DUSP10: variants seen among roughly 807,000 people sequenced by gnomAD.
The protein encoded by DUSP10 is dual specificity phosphatase 10.
DUSP10 carries 14 observed loss-of-function variants against 30.8 expected under a neutral mutation model. The observed-to-expected ratio is 0.46, with a 90% CI of 0.30 to 0.71. The LOEUF (loss-of-function observed/expected upper bound fraction) is 0.71, where lower values mean the gene tolerates loss of function less well. Among genes scored for constraint, DUSP10 ranks in the 30% least tolerant of loss-of-function variants. The pLI is 0.08. For synonymous variants in DUSP10, 254 were observed against 250.4 expected, an observed-to-expected ratio of 1.01 and a Z score of -0.14; for missense variants, 550 against 619.4, an observed-to-expected ratio of 0.89 and a Z score of 1.19.
chr1:221,725,886 C>A (rs183430331), intron 2 of DUSP10, among the ~76,000 whole-genome samples: 129 of 152,316 alleles, frequency 8.5e-4, no homozygotes, highest in Non-Finnish European at 4.7e-4. Flanking sequence ...GGGAGTGACT[C>A]ATATTTATGA....
intron 2 of DUSP10, among the ~76,000 whole-genome samples, chr1:221,736,222 G>A (rs1248133603): frequency 6.6e-6 from 1 of 152,094 alleles, no homozygotes; most frequent in African/African-American, 2.4e-5. Context: ...TGGAGACAGG[G>A]GGACAAGGAT....
intron 2 of DUSP10, among the ~76,000 whole-genome samples, chr1:221,727,748 T>A (rs1374707931): frequency 1.3e-5 from 2 of 152,208 alleles, no homozygotes; most frequent in Non-Finnish European, 2.9e-5. Context: ...TTGATTACTT[T>A]TATATTTCAG....
intron 2 of DUSP10, among the ~76,000 whole-genome samples, chr1:221,727,047 T>C (rs2102641623): frequency 6.6e-6 from 1 of 152,294 alleles, no homozygotes; most frequent in South Asian, 2.1e-4. Context: ...CTCCCCATTT[T>C]ATAGACAAGC....
intron 2 of DUSP10, among the ~76,000 whole-genome samples, chr1:221,712,599 T>C (rs1660971361): frequency 6.6e-6 from 1 of 152,082 alleles, no homozygotes; most frequent in South Asian, 2.1e-4. Flanking sequence ...TTGAATCCCA[T>C]TGAGTACCCA....
chr1:221,704,719 A>C (rs1660705263), intron 3 of DUSP10, among the ~76,000 whole-genome samples: 1 of 152,178 alleles, frequency 6.6e-6, no homozygotes, highest in African/African-American at 2.4e-5. Context: ...CCCTTCTTGG[A>C]CACTAGAATT....
intron 2 of DUSP10, among the ~76,000 whole-genome samples, chr1:221,725,207 A>G (rs1180287259): frequency 6.6e-6 from 1 of 152,202 alleles, no homozygotes; most frequent in Non-Finnish European, 1.5e-5. Context: ...AAAAAGCTCC[A>G]CATTGGGAAG....
chr1:221,730,767 A>T (rs1171249707), intron 2 of DUSP10, among the ~76,000 whole-genome samples: 2 of 152,152 alleles, frequency 1.3e-5, no homozygotes, highest in Non-Finnish European at 2.9e-5. Flanking sequence ...GTTACATAAA[A>T]TATGGGTCTT....
chr1:221,729,557 A>T (rs990764587), intron 2 of DUSP10, among the ~76,000 whole-genome samples: 22 of 152,250 alleles, frequency 1.4e-4, no homozygotes, highest in Admixed American at 2.6e-4. Context: ...AAGTCAGGAT[A>T]TAAAATGACG....
intron 3 of DUSP10, among the ~76,000 whole-genome samples, chr1:221,703,374 C>T (rs751747474): frequency 1.3e-5 from 2 of 151,990 alleles, no homozygotes; most frequent in South Asian, 2.1e-4. Context: ...TGTACAGGAA[C>T]GGGCATTAAA....
intron 2 of DUSP10, among the ~76,000 whole-genome samples, chr1:221,720,521 G>T (rs968671828): frequency 6.6e-6 from 1 of 152,188 alleles, no homozygotes; most frequent in African/African-American, 2.4e-5. Context: ...CAGGGAGGGG[G>T]TTGCAGAAAT....
At chr1:221,715,427 G>A (rs1228139892) in intron 2 of DUSP10, among the ~76,000 whole-genome samples, 2 of 152,160 alleles carry the variant, frequency 1.3e-5, no homozygotes, top group Non-Finnish European at 1.5e-5. Context: ...GCCGGCTGGA[G>A]TAGCTCAGTC....
chr1:221,738,589 T>C (rs1166102357), intron 2 of DUSP10, among the ~76,000 whole-genome samples: 1 of 152,188 alleles, frequency 6.6e-6, no homozygotes, highest in African/African-American at 2.4e-5. Flanking sequence ...TAGTGATTGA[T>C]TGGAATAGAG....
chr1:221,741,863 A>T lies in DUSP10; in HGVS notation c.-44+118T>A, dbSNP rs12043337. ...ATCTTTCTGTCTCTGTCTCTCTCTC[A>T]CACACACACAGATACACACACACAA... On this transcript the variant is annotated intron_variant, in intron 1 of 3. Coordinates refer to ENST00000366899, the MANE Select transcript of DUSP10 (RefSeq NM_007207.6). 0.46 allele frequency: 69,498 copies of T among 152,092 alleles called. 16,251 individuals are homozygous for T. The highest frequency in any genetic ancestry group is 0.54 in the South Asian group (2,615 of 4,830). 9.4% of individuals were successfully genotyped at this position (152,092 alleles called of 1,614,324 possible).
At chr1:221,726,965 C>T (rs1438946764) in intron 2 of DUSP10, among the ~76,000 whole-genome samples, 2 of 152,062 alleles carry the variant, frequency 1.3e-5, no homozygotes, top group South Asian at 2.1e-4. Context: ...AGTATGCATT[C>T]GTTATTGTTC....
chr1:221,736,915 G>T, intron 2 of DUSP10: 1 of 985,480 alleles, frequency 1.0e-6, no homozygotes, highest in South Asian at 4.7e-5. Context: ...AGGCCTCGCA[G>T]TGGCTGCCCA....
intron 2 of DUSP10, among the ~76,000 whole-genome samples, chr1:221,728,104 T>TA (rs1398442248): frequency 6.6e-6 from 1 of 152,198 alleles, no homozygotes; most frequent in Non-Finnish European, 1.5e-5. Context: ...CTCACTGTCT[T>TA]ACACACTTGC....
intron 2 of DUSP10, among the ~76,000 whole-genome samples, chr1:221,718,856 C>T (rs148534817): frequency 3.3e-5 from 5 of 152,170 alleles, no homozygotes; most frequent in East Asian, 1.9e-4. Flanking sequence ...ATGTCACATG[C>T]GAGCCTCACA....
At chr1:221,717,105 G>A (rs1661128193) in intron 2 of DUSP10, among the ~76,000 whole-genome samples, 1 of 152,184 alleles carries the variant, frequency 6.6e-6, no homozygotes, top group South Asian at 2.1e-4. Context: ...CCAGTTCCTG[G>A]GTGCTATGAG....
At chr1:221,725,908 G>A (rs551063181) in intron 2 of DUSP10, among the ~76,000 whole-genome samples, 25 of 152,322 alleles carry the variant, frequency 1.6e-4, no homozygotes, top group African/African-American at 5.1e-4. Flanking sequence ...ATAAGGAGCC[G>A]TTGTTAGCCT....
Sources: gnomAD v4.1 joint callset for allele counts (sites outside exome capture counted in the v4.1 genomes callset) on GRCh38, gnomAD v4.1.1 for gene constraint, MANE v1.5 for transcripts, NCBI Gene and HGNC (gene_info 2026-07-23, HGNC 2026-07-21) for gene names.